The following BOD1L1 variants were observed in gnomAD, a reference collection of about 807,000 sequenced individuals.
BOD1L1 encodes biorientation of chromosomes in cell division 1 like 1.
BOD1L1 carries 86 observed loss-of-function variants against 240.7 expected under a neutral mutation model. The observed-to-expected ratio is 0.36, with a 90% CI of 0.30 to 0.43. BOD1L1 has a LOEUF of 0.43. Ranked by LOEUF, BOD1L1 falls within the 20% of genes least tolerant of loss-of-function variation. The pLI, the probability that BOD1L1 is intolerant of heterozygous loss-of-function variation, is 1.00. For synonymous variants in BOD1L1, 1,268 were observed against 1,272.3 expected, an observed-to-expected ratio of 1.00 and a Z score of 0.07; for missense variants, 3,554 against 3,643.5, an observed-to-expected ratio of 0.98 and a Z score of 0.63.
chr4:13,605,119 C>G (rs776069670), intron 9 of BOD1L1, 35 bp from the exon 10 acceptor site: 1 of 1,435,908 alleles, frequency 7.0e-7, no homozygotes, highest in Admixed American at 3.0e-5. Context: ...ATGAGAAATA[C>G]CAAAATCAAT....
chr4:13,620,878 G>A (rs891231906), intron 1 of BOD1L1, among the ~76,000 whole-genome samples: 1 of 152,176 alleles, frequency 6.6e-6, no homozygotes, highest in Admixed American at 6.5e-5. Flanking sequence ...CTGAGGTAAG[G>A]CAATGGTTCT....
rs1186951343 is a variant in BOD1L1 at position 13,599,235 on chromosome 4, C to T, written c.7665G>A (p.Glu2555=). 1.2e-5 allele frequency: 20 copies of T among 1,613,614 alleles called. No homozygotes were observed. The East Asian group carries it at 4.5e-4, about 36-fold the overall frequency. The change falls in exon 10 of 26, where the codon GAG becomes GAA. Residue 2555 remains glutamate (E), a synonymous_variant. Transcript: ENST00000040738. ...TCAAGTTGTCTTCAGACCCCTGCTG[C>T]TCAGCAGGAAGAAAGGAATGCTCAG... is the stretch of plus-strand genomic sequence containing the variant. ...TVAEHSFLPA[E]QQGSEDNLKT...
rs1233777872 is a variant in BOD1L1 at position 13,603,584 on chromosome 4, T to G, written c.3316A>C (p.Lys1106Gln). The G allele has an allele frequency of 6.2e-7, 1 of 1,614,042 alleles. No individual in the cohort carries two copies. Among genetic ancestry groups the G allele is most frequent in the East Asian group, 2.2e-5 (1 of 44,888 alleles). Residue 1106 changes from lysine (K) to glutamine (Q), a missense_variant, in exon 10 of 26, where the codon AAA becomes CAA. Physicochemically the swap from Lys to Gln is moderately conservative, Grantham distance 53. Transcript: ENST00000040738. The part of the protein sequence containing the change: ...TPSGSSLQRP[K>Q]KSGDMTLIPE... ...ATCAATGTCATATCACCACTCTTTT[T>G]TGGTCTCTGAAGGGAGGAACCGCTG... is the stretch of plus-strand genomic sequence containing the variant.
intron 21 of BOD1L1, chr4:13,580,185 T>C (rs2108889892): frequency 3.6e-6 from 2 of 550,078 alleles, no homozygotes; most frequent in South Asian, 4.6e-5. Flanking sequence ...TTCCCTTTTG[T>C]GATGCTACAG....
chr4:13,576,855 G>C lies in BOD1L1; in HGVS notation c.9021C>G (p.Thr3007=), dbSNP rs1285806582. 6.2e-7 allele frequency: 1 copy of C among 1,613,962 alleles called. No individual in the cohort carries two copies. Residue 3007 remains threonine (T), a synonymous_variant, in exon 25 of 26, where the codon ACC becomes ACG. Coordinates refer to ENST00000040738, the MANE Select transcript of BOD1L1 (RefSeq NM_148894.3). ...EPSGATTRST[T]RSEAQRSKTQ... ...CCCATTACCTCTGAGCCTCTGATCTGGTGGTGGATCTTGTGGTGGCTCCTG... is the reference window on the plus strand; with the variant it reads ...CCCATTACCTCTGAGCCTCTGATCTCGTGGTGGATCTTGTGGTGGCTCCTG...
At chr4:13,582,508 A>G in intron 18 of BOD1L1, 144 bp downstream of exon 18, 1 of 709,248 alleles carries the variant, frequency 1.4e-6, no homozygotes, top group Non-Finnish European at 2.4e-6. Context: ...CAAATTAAAA[A>G]TGATTCCCTA....
At chr4:13,587,907 C>T (rs946461528) in intron 15 of BOD1L1, 136 bp from the exon 16 acceptor site, 8 of 601,122 alleles carry the variant, frequency 1.3e-5, no homozygotes, top group Middle Eastern at 4.6e-4. Context: ...AACACTTGGC[C>T]GGGTGCAGTG....
chr4:13,620,105 T>A lies in BOD1L1; in HGVS notation c.244-38A>T, dbSNP rs187339259. 4.8e-4 allele frequency: 747 copies of A among 1,558,608 alleles called. 8 individuals are homozygous for A. Among genetic ancestry groups the A allele is most frequent in the Non-Finnish European group, 8.4e-5 (97 of 1,149,700 alleles). ...AAACGAAGGTAAGTCTTCAAGGTTATACAGTATCAATATTCACCTCTCAGA... is the reference window on the plus strand; with the variant it reads ...AAACGAAGGTAAGTCTTCAAGGTTAAACAGTATCAATATTCACCTCTCAGA... On this transcript the variant is annotated intron_variant, in intron 1 of 25. Transcript: ENST00000040738.
intron 8 of BOD1L1, among the ~76,000 whole-genome samples, chr4:13,607,953 A>G (rs968989917): frequency 1.3e-5 from 2 of 152,226 alleles, no homozygotes; most frequent in African/African-American, 4.8e-5. Flanking sequence ...TGATAAATTT[A>G]CATAAATGCA....
chr4:13,572,609 C>A, intron 25 of BOD1L1: 7 of 1,153,318 alleles, frequency 6.1e-6, no homozygotes, highest in Non-Finnish European at 6.7e-6. Flanking sequence ...TTTGGTGAGA[C>A]AAAATCTTAA....
intron 12 of BOD1L1, chr4:13,592,172 C>A: frequency 2.0e-6 from 1 of 504,856 alleles, no homozygotes; most frequent in Non-Finnish European, 3.5e-6. Flanking sequence ...AAAAAGACAA[C>A]ATAAATTAAT....
At chr4:13,607,360 C>T (rs1715792208) in intron 8 of BOD1L1, among the ~76,000 whole-genome samples, 171 bp from the exon 9 acceptor site, 1 of 152,120 alleles carries the variant, frequency 6.6e-6, no homozygotes, top group Non-Finnish European at 1.5e-5. Flanking sequence ...AGTGCAATCA[C>T]GCAATCTTGG....
Position 13,576,354 on chromosome 4 carries a change from T to C in BOD1L1, c.9038+484A>G, listed in dbSNP as rs146342068. On this transcript the variant is annotated intron_variant, in intron 25 of 25. Transcript: ENST00000040738. Reference sequence around the variant, plus strand: ...TTGAGAGAACACATTTTGGGAAATATATGAAATTACCTCAAAAATGGTCAA... The same window carrying C: ...TTGAGAGAACACATTTTGGGAAATACATGAAATTACCTCAAAAATGGTCAA... Among the ~76,000 whole-genome samples, 1,302 of 152,306 alleles carry C rather than the reference T, an allele frequency of 8.5e-3. 15 individuals are homozygous for C. The highest frequency in any genetic ancestry group is 0.028 in the African/African-American group (1,157 of 41,568).
intron 6 of BOD1L1, among the ~76,000 whole-genome samples, chr4:13,610,396 C>T (rs1716062807): frequency 1.3e-5 from 2 of 152,204 alleles, no homozygotes; most frequent in South Asian, 4.1e-4. Flanking sequence ...CAGGTTGTTA[C>T]CAGTTTCACT....
At position 13,615,389 on chromosome 4, in the gene BOD1L1, G is replaced by A. The variant is rs768577273; in HGVS notation, c.482C>T (p.Thr161Met). 1.2e-5 allele frequency: 20 copies of A among 1,613,692 alleles called. No homozygotes were observed. Among genetic ancestry groups the A allele is most frequent in the African/African-American group, 5.3e-5 (4 of 75,016 alleles). ...ACTTCCTTCCTCTTTGTGATTTAGC[G>A]TGGCCAAAAACTCATGCACAGCTTT... ...VEKAVHEFLATLNHKEEGSGN... is the reference protein window; with the variant it reads ...VEKAVHEFLAMLNHKEEGSGN... Residue 161 changes from threonine (T) to methionine (M), a missense_variant, in exon 3 of 26, where the codon ACG (threonine) becomes ATG (methionine). Physicochemically the swap from Thr to Met is moderately conservative, Grantham distance 81 (BLOSUM62 -1). Around this residue, in one of 2 missense-constraint regions of BOD1L1, gnomAD observed 161 missense variants for 216.4 expected, o/e 0.74. Coordinates refer to ENST00000040738, the MANE Select transcript of BOD1L1 (RefSeq NM_148894.3).
chr4:13,607,702 A>G (rs1157721685), intron 8 of BOD1L1, among the ~76,000 whole-genome samples: 1 of 152,212 alleles, frequency 6.6e-6, no homozygotes, highest in Admixed American at 6.5e-5. Flanking sequence ...TCCCAAACAT[A>G]GCATTAACTG....
In BOD1L1 at chr4:13,599,076, A is replaced by G; in HGVS notation, c.7824T>C (p.Asp2608=). 6.2e-7 allele frequency: 1 copy of G among 1,613,956 alleles called. No individual in the cohort carries two copies. Among genetic ancestry groups the G allele is most frequent in the Non-Finnish European group, 8.5e-7 (1 of 1,179,888 alleles). The change falls in exon 10 of 26, where the codon GAT becomes GAC. Residue 2608 remains aspartate, a synonymous_variant. Coordinates refer to ENST00000040738, the MANE Select transcript of BOD1L1 (RefSeq NM_148894.3). ...CTTGATCAGTCCATTTGCCACTATAATCATTCTTTATAGTCAAGTCCTGCT... is the reference window on the plus strand; with the variant it reads ...CTTGATCAGTCCATTTGCCACTATAGTCATTCTTTATAGTCAAGTCCTGCT... The part of the protein sequence containing the change: ...KCEQDLTIKN[D]YSGKWTDQAS...
rs572943225 is a variant in BOD1L1, at chr4:13,611,202, A to C, written c.1325-102T>G. ...AGGCAAGATGAATTGGAGGTCCAAA[A>C]GGGGAAATATCAGGATGTGAAGATT... On this transcript the variant is annotated intron_variant, in intron 5 of 25. Transcript: ENST00000040738. 17 of 746,530 alleles carry C rather than the reference A, an allele frequency of 2.3e-5. No individual in the cohort carries two copies. The Admixed American group carries it at 4.1e-4, about 18-fold the overall frequency. The allele number at this position is 746,530 out of a possible 1,614,324, so 46.2% of individuals were successfully genotyped here.
Position 13,579,914 on chromosome 4 carries a change from C to A in BOD1L1, c.8749+14G>T, listed in dbSNP as rs373797700. On this transcript the variant is annotated intron_variant, in intron 22 of 25. Coordinates refer to ENST00000040738, the MANE Select transcript of BOD1L1 (RefSeq NM_148894.3). Reference sequence around the variant, plus strand: ...CCCTCAGATAACACACAGAGGAATGCGGTAGGTACATACCTGTTTGCATTA... The same window carrying A: ...CCCTCAGATAACACACAGAGGAATGAGGTAGGTACATACCTGTTTGCATTA... The A allele has an allele frequency of 3.2e-6, 5 of 1,552,384 alleles. No homozygotes were observed. Among genetic ancestry groups the A allele is most frequent in the Non-Finnish European group, 1.7e-6 (2 of 1,145,600 alleles).
Sources: gnomAD v4.1 joint callset for allele counts (sites outside exome capture counted in the v4.1 genomes callset) on GRCh38, gnomAD v4.1.1 for gene constraint, gnomAD v4.1.1 regional missense constraint, MANE v1.5 for transcripts, NCBI Gene and HGNC (gene_info 2026-07-23, HGNC 2026-07-21) for gene names.